UBA3: variants seen among roughly 807,000 people sequenced by gnomAD.
UBA3 encodes ubiquitin like modifier activating enzyme 3.
In UBA3, 26 loss-of-function variants were observed where a neutral mutation model predicts 73.5. The observed-to-expected ratio is 0.35, with a 90% CI of 0.26 to 0.49. The LOEUF (loss-of-function observed/expected upper bound fraction) is 0.49, where lower values mean the gene tolerates loss of function less well. UBA3 is among the 20% of genes least tolerant of loss of function. The pLI, the probability that UBA3 is intolerant of heterozygous loss-of-function variation, is 0.98. For missense variants in UBA3, 495 were observed against 555.6 expected (o/e 0.89, Z 1.10); for synonymous variants, 217 against 191.2 (o/e 1.13, Z -1.11).
At chr3:69,065,711 G>A (rs1280028299) in intron 6 of UBA3, among the ~76,000 whole-genome samples, 1 of 152,102 alleles carries the variant, frequency 6.6e-6, no homozygotes, top group Non-Finnish European at 1.5e-5. Flanking sequence ...CAAAGTGCTG[G>A]AATTACAGGC....
At chr3:69,075,041 C>G (rs1284793791) in intron 4 of UBA3, 2 of 153,884 alleles carry the variant, frequency 1.3e-5, no homozygotes, top group African/African-American at 4.8e-5. Context: ...CCTTACCCAC[C>G]TAGCTGGGTT....
intron 11 of UBA3, among the ~76,000 whole-genome samples, chr3:69,057,583 T>G (rs1318727688): frequency 6.6e-6 from 1 of 152,224 alleles, no homozygotes; most frequent in Non-Finnish European, 1.5e-5. Flanking sequence ...ATTTAGAGTA[T>G]TATGTTCCAG....
intron 2 of UBA3, 99 bp from the exon 3 acceptor site, chr3:69,078,017 G>T (rs917223029): frequency 1.4e-6 from 2 of 1,397,104 alleles, no homozygotes; most frequent in South Asian, 1.5e-5. Flanking sequence ...AACCACACCA[G>T]ACCTGCTCAA....
chr3:69,073,955 C>A (rs1024997356), intron 4 of UBA3, among the ~76,000 whole-genome samples: 3 of 152,024 alleles, frequency 2.0e-5, no homozygotes, highest in African/African-American at 4.8e-5. Flanking sequence ...GTATCATATT[C>A]TTTTTTGTTA....
chr3:69,077,710 T>C (rs548632612), intron 3 of UBA3, 88 bp downstream of exon 3: 65 of 1,352,518 alleles, frequency 4.8e-5, no homozygotes, highest in Admixed American at 1.3e-4. Context: ...AGTATTTTCA[T>C]TGTAAGAGCA....
intron 2 of UBA3, among the ~76,000 whole-genome samples, chr3:69,079,083 G>C (rs2092195869): frequency 6.6e-6 from 1 of 152,116 alleles, no homozygotes; most frequent in African/African-American, 2.4e-5. Context: ...AAAACCATAC[G>C]TTTTGATGTC....
At chr3:69,072,742 A>T (rs2092130732) in intron 4 of UBA3, among the ~76,000 whole-genome samples, 1 of 152,210 alleles carries the variant, frequency 6.6e-6, no homozygotes, top group Non-Finnish European at 1.5e-5. Context: ...AACAGTTTCC[A>T]AAACCAAACT....
intron 17 of UBA3, 93 bp from the exon 18 acceptor site, chr3:69,055,618 G>A (rs1290333082): frequency 2.0e-6 from 2 of 1,003,654 alleles, no homozygotes; most frequent in Admixed American, 5.6e-5. Flanking sequence ...TTACGGTCTA[G>A]AAAAACATCA....
chr3:69,067,880 A>ATATTT (rs1187380297), intron 6 of UBA3, 48 bp downstream of exon 6: 1 of 1,426,144 alleles, frequency 7.0e-7, no homozygotes, highest in East Asian at 2.3e-5. Flanking sequence ...ATAATAAAGG[A>ATATTT]AAAAAGCTTT....
At chr3:69,059,297 G>A (rs1448239489) in intron 11 of UBA3, among the ~76,000 whole-genome samples, 1 of 152,154 alleles carries the variant, frequency 6.6e-6, no homozygotes, top group Admixed American at 6.5e-5. Flanking sequence ...GAGAGATCCA[G>A]CCATGCAATT....
In UBA3 at chr3:69,055,544, T is replaced by G. The variant is rs6549179; in HGVS notation, c.1304-19A>C. 1.9e-6 allele frequency: 3 copies of G among 1,563,778 alleles called. No individual in the cohort carries two copies. The South Asian group carries it at 3.7e-5, about 19-fold the overall frequency. On this transcript the variant is annotated intron_variant, in intron 17 of 17. Transcript: ENST00000361055. ...CCCAATTCTAAAACAGAAAAAATAT[T>G]ATTAATACAAGCAAAAAAAACTCAA...
chr3:69,059,519 T>C (rs572228706), intron 11 of UBA3, among the ~76,000 whole-genome samples: 1 of 152,068 alleles, frequency 6.6e-6, no homozygotes, highest in Non-Finnish European at 1.5e-5. Context: ...AGCAGACACC[T>C]AAGAGATGAG....
intron 4 of UBA3, among the ~76,000 whole-genome samples, chr3:69,071,980 T>C (rs1316229534): frequency 3.3e-5 from 5 of 152,220 alleles, no homozygotes; most frequent in Middle Eastern, 3.2e-3. Flanking sequence ...TTCAAAATAT[T>C]GTTAAAAGCA....
At chr3:69,062,635 G>T (rs964279173) in intron 9 of UBA3, among the ~76,000 whole-genome samples, 1 of 152,140 alleles carries the variant, frequency 6.6e-6, no homozygotes, top group Non-Finnish European at 1.5e-5. Context: ...TCCTTGGAAA[G>T]ATCATTCTTA....
intron 9 of UBA3, among the ~76,000 whole-genome samples, chr3:69,062,741 C>T (rs947965830): frequency 2.6e-5 from 4 of 152,134 alleles, no homozygotes; most frequent in African/African-American, 7.2e-5. Context: ...CTACTTGATA[C>T]CTACTCCCCA....
chr3:69,080,021 C>T (rs953771263), intron 2 of UBA3, 91 bp downstream of exon 2: 147 of 1,265,708 alleles, frequency 1.2e-4, no homozygotes, highest in Non-Finnish European at 1.6e-4. Flanking sequence ...CCCTCCCAGC[C>T]CCCCGGGCCC....
chr3:69,063,436 T>C lies in UBA3; in HGVS notation c.537+3A>G, dbSNP rs372526390. ...AGAACTATAACAATACTAAAGTCTT[T>C]ACCAGCATGCCATTTATCCATCTTC... On this transcript the variant is annotated splice_donor_region_variant and intron_variant, in intron 8 of 17. Transcript: ENST00000361055. 1.9e-6 allele frequency: 3 copies of C among 1,598,216 alleles called. No homozygotes were observed. Among genetic ancestry groups the C allele is most frequent in the African/African-American group, 2.7e-5 (2 of 73,632 alleles).
chr3:69,080,080 GGA>G (rs1306240914), intron 2 of UBA3, 30 bp downstream of exon 2: 2 of 1,600,800 alleles, frequency 1.2e-6, no homozygotes, highest in South Asian at 2.2e-5. Context: ...GGGGGTCCCC[GGA>G]GAGGGCCCCG....
At chr3:69,064,343 T>A (rs551963621) in intron 6 of UBA3, among the ~76,000 whole-genome samples, 9 of 152,186 alleles carry the variant, frequency 5.9e-5, no homozygotes, top group South Asian at 4.1e-4. Context: ...AACCCCTATA[T>A]CATTATATTT....
Sources: allele counts gnomAD v4.1 joint callset (sites outside exome capture counted in the v4.1 genomes callset), GRCh38; gene constraint gnomAD v4.1.1; transcripts MANE v1.5; gene names NCBI Gene and HGNC (gene_info 2026-07-23, HGNC 2026-07-21).